The following EDEM2 variants were observed in gnomAD, a reference collection of about 807,000 sequenced individuals.
EDEM2 encodes ER degradation enhancing alpha-mannosidase like protein 2.
A neutral mutation model predicts 64.8 loss-of-function variants in EDEM2; 39 were observed. The observed-to-expected ratio is 0.60, with a 90% CI of 0.47 to 0.79. The LOEUF (loss-of-function observed/expected upper bound fraction) is 0.79. EDEM2 is among the 30% of genes least tolerant of loss of function. EDEM2 has a pLI of 0.00. For missense variants in EDEM2, 609 were observed against 731.3 expected, an observed-to-expected ratio of 0.83 and a Z score of 1.93; for synonymous variants, 296 against 291.5, an observed-to-expected ratio of 1.02 and a Z score of -0.16.
chr20:35,126,499 CT>C (rs1472574770), intron 7 of EDEM2, 124 bp from the exon 8 acceptor site: 3 of 1,189,670 alleles, frequency 2.5e-6, no homozygotes, highest in Non-Finnish European at 3.6e-6. Flanking sequence ...GGCAAGGAGG[CT>C]AGACAAGAGC....
At chr20:35,136,136 C>A (rs1314258208) in intron 5 of EDEM2, among the ~76,000 whole-genome samples, 2 of 152,210 alleles carry the variant, frequency 1.3e-5, no homozygotes, top group Non-Finnish European at 2.9e-5. Context: ...TGCAATCTGG[C>A]AGGCACCAGC....
chr20:35,119,559 G>A (rs557509065), intron 9 of EDEM2, among the ~76,000 whole-genome samples: 76 of 152,186 alleles, frequency 5.0e-4, no homozygotes, highest in African/African-American at 1.8e-3. Context: ...AGCCACTGCG[G>A]CACTCCAGCC....
intron 6 of EDEM2, chr20:35,134,100 C>T (rs915477265): frequency 1.5e-5 from 7 of 456,104 alleles, no homozygotes; most frequent in African/African-American, 8.0e-5. Flanking sequence ...GAAGCTGAAA[C>T]TGACCTTAGA....
chr20:35,117,305 A>C (rs1031218423), intron 10 of EDEM2: 2 of 152,208 alleles, frequency 1.3e-5, no homozygotes, highest in African/African-American at 4.8e-5. Flanking sequence ...AGAATTAGTA[A>C]TACTTCTAAA....
intron 9 of EDEM2, among the ~76,000 whole-genome samples, chr20:35,120,356 C>A (rs141928232): frequency 6.6e-6 from 1 of 152,246 alleles, no homozygotes; most frequent in African/African-American, 2.4e-5. Context: ...AGTCACTGCA[C>A]CCAGCCTCTA....
intron 8 of EDEM2, 71 bp from the exon 9 acceptor site, chr20:35,124,105 A>T: frequency 6.4e-7 from 1 of 1,554,854 alleles, no homozygotes; most frequent in Non-Finnish European, 8.7e-7. Context: ...TTAAGAAAAG[A>T]CAAAGTAAAA....
At chr20:35,142,296 C>G in intron 4 of EDEM2, 77 bp downstream of exon 4, 1 of 1,204,818 alleles carries the variant, frequency 8.3e-7, no homozygotes, top group South Asian at 1.3e-5. Flanking sequence ...CCTTAAAATC[C>G]TATTTACCAC....
Position 35,134,769 on chromosome 20 carries a change from C to T in EDEM2, c.671G>A (p.Arg224His), listed in dbSNP as rs536739541. 2.0e-5 allele frequency: 32 copies of T among 1,613,706 alleles called. No homozygotes were observed. The Middle Eastern group carries it at 8.7e-4, about 44-fold the overall frequency. ...FEDVARVALMRLWESRSDIGL... is the reference protein window; with the variant it reads ...FEDVARVALMHLWESRSDIGL... ...GATATCTGACCGGCTCTCCCAGAGG[C>T]GCATCAAAGCCACTCTGGCCACATC... Residue 224 changes from arginine to histidine, a missense_variant, in exon 6 of 11, where the codon CGC becomes CAC. Transcript: ENST00000374492.
Position 35,131,721 on chromosome 20 carries a change from A to G in EDEM2, c.765T>C (p.Ala255=), listed in dbSNP as rs1441417007. 2.5e-6 allele frequency: 4 copies of G among 1,614,244 alleles called. No individual in the cohort carries two copies. In the East Asian group the frequency reaches 8.9e-5, roughly 36 times the overall value. ...KWVAQDAGIG[A]GVDSYFEYLV... ...AGTACTCAAAGTAGGAGTCCACGCC[A>G]GCCCCGATGCCTGCGTCCTGGGCCA... Residue 255 remains alanine (A), a synonymous_variant, in exon 7 of 11, where the codon GCT becomes GCC. Transcript: ENST00000374492.
chr20:35,115,967 C>T (rs2085305056), intron 10 of EDEM2, 34 bp from the exon 11 acceptor site: 1 of 1,596,364 alleles, frequency 6.3e-7, no homozygotes, highest in Non-Finnish European at 8.5e-7. Context: ...AGCTGGAACA[C>T]CATCACAATT....
chr20:35,124,881 A>G (rs920718735), intron 8 of EDEM2, among the ~76,000 whole-genome samples: 19 of 152,354 alleles, frequency 1.2e-4, no homozygotes, highest in African/African-American at 4.3e-4. Context: ...TTCTGTATAT[A>G]TGTCACATCA....
intron 7 of EDEM2, 134 bp downstream of exon 7, chr20:35,131,508 G>A: frequency 9.2e-7 from 1 of 1,092,428 alleles, no homozygotes; most frequent in East Asian, 2.5e-5. Flanking sequence ...AGAGGTTGCA[G>A]TGAGCCTAGA....
At chr20:35,121,747 G>A (rs561996329) in intron 9 of EDEM2, among the ~76,000 whole-genome samples, 32 of 152,048 alleles carry the variant, frequency 2.1e-4, no homozygotes, top group Non-Finnish European at 3.4e-4. Context: ...TTTTGGGGTA[G>A]GAGGGATGAC....
At chr20:35,141,788 ACTTGGG>A (rs776719101) in intron 4 of EDEM2, among the ~76,000 whole-genome samples, 20,791 of 152,214 alleles carry the variant, frequency 0.14, 1,754 homozygotes, top group African/African-American at 0.24. Context: ...TTTTTTAACC[ACTTGGG>A]AGTGGTTCCT....
chr20:35,143,966 T>C (rs2146116843), intron 3 of EDEM2, among the ~76,000 whole-genome samples: 1 of 152,286 alleles, frequency 6.6e-6, no homozygotes. Context: ...CAGAGTGCAG[T>C]GGTGCGATCT....
intron 8 of EDEM2, 127 bp downstream of exon 8, chr20:35,126,124 C>T: frequency 1.6e-6 from 2 of 1,269,826 alleles, no homozygotes; most frequent in South Asian, 1.5e-5. Flanking sequence ...TCTCTTCCAT[C>T]CTCAACCTGT....
Position 35,126,317 on chromosome 20 carries a change from C to A in EDEM2, c.903G>T (p.Gln301His). The change falls in exon 8 of 11, where the codon CAG (glutamine) becomes CAT (histidine). Residue 301 changes from glutamine to histidine, a missense_variant. Coordinates refer to ENST00000374492, the MANE Select transcript of EDEM2 (RefSeq NM_018217.3). ...TRFDDWYLWV[Q>H]MYKGTVSMPV... ...GCATGGACACAGTCCCCTTGTACAT[C>A]TGAACCCACAGGTACCAGTCATCGA... 1.2e-6 allele frequency: 2 copies of A among 1,614,130 alleles called. No homozygotes were observed. Among genetic ancestry groups the A allele is most frequent in the Middle Eastern group, 1.7e-4 (1 of 5,988 alleles).
intron 9 of EDEM2, among the ~76,000 whole-genome samples, chr20:35,122,397 G>A (rs901278626): frequency 1.3e-5 from 2 of 152,022 alleles, no homozygotes; most frequent in Non-Finnish European, 2.9e-5. Context: ...TTTTGAGATG[G>A]AGTTTTGCTC....
intron 8 of EDEM2, among the ~76,000 whole-genome samples, chr20:35,125,707 T>A (rs771282296): frequency 1.3e-5 from 2 of 152,070 alleles, no homozygotes; most frequent in Non-Finnish European, 2.9e-5. Flanking sequence ...TTTGTAGAGA[T>A]GAGGTCTCAC....
Sources: allele counts gnomAD v4.1 joint callset (sites outside exome capture counted in the v4.1 genomes callset), GRCh38; gene constraint gnomAD v4.1.1; transcripts MANE v1.5; gene names NCBI Gene and HGNC (gene_info 2026-07-23, HGNC 2026-07-21).